Variants in CADM1 observed in about 807,000 individuals in gnomAD.
CADM1 encodes the protein TSLC-1.
In CADM1, 15 loss-of-function variants were observed where a neutral mutation model predicts 53.1. The ratio of observed to expected loss-of-function variants is 0.28; its 90% confidence interval spans 0.19 to 0.44. CADM1 has a LOEUF of 0.44. Among genes scored for constraint, CADM1 ranks in the 20% least tolerant of loss-of-function variants. The pLI, the probability that CADM1 is intolerant of heterozygous loss-of-function variation, is 1.00. For missense variants in CADM1, 434 were observed against 611.3 expected, an observed-to-expected ratio of 0.71 and a Z score of 3.06; for synonymous variants, 281 against 243.0, an observed-to-expected ratio of 1.16 and a Z score of -1.45.
intron 8 of CADM1, among the ~76,000 whole-genome samples, chr11:115,201,209 A>T (rs965249590): frequency 6.6e-6 from 1 of 152,202 alleles, no homozygotes; most frequent in African/African-American, 2.4e-5. Flanking sequence ...ACGGGGTAGG[A>T]GACTGCAGGA....
At chr11:115,387,786 ATG>A (rs928153757) in intron 1 of CADM1, among the ~76,000 whole-genome samples, 1 of 152,134 alleles carries the variant, frequency 6.6e-6, no homozygotes, top group Non-Finnish European at 1.5e-5. Flanking sequence ...GCACACATGC[ATG>A]TGTGTGTATA....
intron 1 of CADM1, among the ~76,000 whole-genome samples, chr11:115,461,449 T>A (rs1279519231): frequency 6.6e-6 from 1 of 152,106 alleles, no homozygotes; most frequent in African/African-American, 2.4e-5. Context: ...GGGAATGGTA[T>A]AGACCACAGC....
intron 8 of CADM1, among the ~76,000 whole-genome samples, chr11:115,200,479 T>C (rs1054707465): frequency 2.6e-5 from 4 of 152,218 alleles, no homozygotes; most frequent in African/African-American, 9.6e-5. Context: ...TAGTAGCTCT[T>C]CTAATGTGCT....
chr11:115,282,447 A>T (rs1943613077), intron 1 of CADM1, among the ~76,000 whole-genome samples: 1 of 152,228 alleles, frequency 6.6e-6, no homozygotes. Flanking sequence ...TTAAATATGA[A>T]CACAATATAA....
At chr11:115,350,665 C>T (rs1264556697) in intron 1 of CADM1, among the ~76,000 whole-genome samples, 4 of 151,154 alleles carry the variant, frequency 2.6e-5, no homozygotes, top group South Asian at 2.1e-4. Flanking sequence ...CTATATAAAA[C>T]GAAACAATGC....
intron 1 of CADM1, among the ~76,000 whole-genome samples, chr11:115,352,991 G>A (rs1014471318): frequency 3.3e-5 from 5 of 152,148 alleles, no homozygotes; most frequent in African/African-American, 1.2e-4. Flanking sequence ...GAACATATGC[G>A]TGCATGCGAA....
intron 1 of CADM1, among the ~76,000 whole-genome samples, chr11:115,470,073 T>G (rs1168893206): frequency 6.6e-6 from 1 of 152,252 alleles, no homozygotes; most frequent in African/African-American, 2.4e-5. Context: ...GCCTACTTTT[T>G]ACTCTTATCA....
chr11:115,391,670 G>T (rs1036976780), intron 1 of CADM1, among the ~76,000 whole-genome samples: 5 of 152,144 alleles, frequency 3.3e-5, no homozygotes, highest in Admixed American at 1.3e-4. Context: ...CTGCAAGACA[G>T]ATTATTTCTC....
chr11:115,267,144 T>C (rs1047634558), intron 1 of CADM1, among the ~76,000 whole-genome samples: 1 of 152,254 alleles, frequency 6.6e-6, no homozygotes, highest in African/African-American at 2.4e-5. Context: ...TGCCATGCAC[T>C]GAGGTGATGT....
chr11:115,233,080 T>C (rs1275517662), intron 3 of CADM1, among the ~76,000 whole-genome samples: 2 of 152,170 alleles, frequency 1.3e-5, no homozygotes, highest in Non-Finnish European at 1.5e-5. Flanking sequence ...TAGAGAATGA[T>C]AGAAAAGTAA....
At chr11:115,235,617 C>T (rs958645899) in intron 3 of CADM1, among the ~76,000 whole-genome samples, 5 of 152,162 alleles carry the variant, frequency 3.3e-5, no homozygotes, top group African/African-American at 1.2e-4. Context: ...ATTACGCCTA[C>T]AACATTTAAC....
At chr11:115,185,830 A>G (rs1161770944) in intron 10 of CADM1, among the ~76,000 whole-genome samples, 1 of 152,162 alleles carries the variant, frequency 6.6e-6, no homozygotes, top group African/African-American at 2.4e-5. Context: ...CCAAACATAC[A>G]TTTCCCACTA....
intron 1 of CADM1, among the ~76,000 whole-genome samples, chr11:115,396,345 G>A (rs969312241): frequency 6.6e-6 from 1 of 152,170 alleles, no homozygotes; most frequent in Admixed American, 6.5e-5. Flanking sequence ...TACAGACATG[G>A]TTGTGCTTCA....
intron 1 of CADM1, among the ~76,000 whole-genome samples, chr11:115,400,661 GTATATATATATATA>G (rs372594262): frequency 0.065 from 2,990 of 46,164 alleles, 88 homozygotes; most frequent in Middle Eastern, 0.1. Context: ...GTGTGTGTGT[GTATATATATATATA>G]TATATATATA....
chr11:115,471,203 A>G (rs1565443682), intron 1 of CADM1, among the ~76,000 whole-genome samples: 1 of 152,194 alleles, frequency 6.6e-6, no homozygotes, highest in Non-Finnish European at 1.5e-5. Flanking sequence ...AAAAATTTGT[A>G]CCAAATATAG....
chr11:115,210,516 T>C (rs1413487291), intron 7 of CADM1, among the ~76,000 whole-genome samples: 1 of 152,066 alleles, frequency 6.6e-6, no homozygotes, highest in Non-Finnish European at 1.5e-5. Context: ...GGGGCAAATA[T>C]GAAAGAGAAA....
intron 1 of CADM1, among the ~76,000 whole-genome samples, chr11:115,322,649 A>T (rs976983032): frequency 7.9e-5 from 12 of 152,166 alleles, no homozygotes; most frequent in Admixed American, 6.5e-4. Flanking sequence ...GATTTCACAT[A>T]AATGAAATCA....
intron 1 of CADM1, among the ~76,000 whole-genome samples, chr11:115,337,766 T>C (rs746361230): frequency 6.6e-6 from 1 of 152,242 alleles, no homozygotes; most frequent in Non-Finnish European, 1.5e-5. Flanking sequence ...GGAGTAGTGA[T>C]AATAATGCTG....
chr11:115,287,851 C>T (rs1352654616), intron 1 of CADM1, among the ~76,000 whole-genome samples: 1 of 152,140 alleles, frequency 6.6e-6, no homozygotes, highest in African/African-American at 2.4e-5. Flanking sequence ...AGGTGTTGGG[C>T]ATATGACGGT....
Sources: allele counts gnomAD v4.1 joint callset (sites outside exome capture counted in the v4.1 genomes callset), GRCh38; gene constraint gnomAD v4.1.1; transcripts MANE v1.5; gene names NCBI Gene and HGNC (gene_info 2026-07-23, HGNC 2026-07-21).